Variants in NCKAP5 observed in about 807,000 individuals in gnomAD.
NCKAP5 encodes NCK associated protein 5.
A neutral mutation model predicts 167.0 loss-of-function variants in NCKAP5; 92 were observed. The ratio of observed to expected loss-of-function variants is 0.55; its 90% CI spans 0.47 to 0.66. NCKAP5 has a LOEUF of 0.66. NCKAP5 is among the 30% of genes least tolerant of loss of function. The pLI is 0.00. For missense variants in NCKAP5, 2,378 were observed against 2,315.0 expected, an observed-to-expected ratio of 1.03 and a Z score of -0.56; for synonymous variants, 891 against 877.4, an observed-to-expected ratio of 1.02 and a Z score of -0.27.
chr2:133,412,343 C>T (rs1688828863), intron 3 of NCKAP5, among the ~76,000 whole-genome samples: 1 of 152,204 alleles, frequency 6.6e-6, no homozygotes, highest in African/African-American at 2.4e-5. Context: ...GACTCCAAAA[C>T]TGTGAGAAAT....
intron 19 of NCKAP5, among the ~76,000 whole-genome samples, chr2:132,709,053 C>G (rs1182688776): frequency 6.6e-6 from 1 of 152,050 alleles, no homozygotes; most frequent in African/African-American, 2.4e-5. Flanking sequence ...TTATATTGAT[C>G]TTATATCCAG....
chr2:133,429,432 G>T (rs772770411), intron 3 of NCKAP5, among the ~76,000 whole-genome samples: 16 of 151,984 alleles, frequency 1.1e-4, no homozygotes, highest in Non-Finnish European at 2.4e-4. Context: ...CCAATAAAAA[G>T]TTTTACAGTC....
the NCKAP5 span, among the ~76,000 whole-genome samples, chr2:133,595,805 C>G: frequency 6.6e-6 from 1 of 152,132 alleles, no homozygotes; most frequent in Admixed American, 6.5e-5. Context: ...AACAAACAAG[C>G]ATGGCTATGT....
chr2:133,611,273 C>T, the NCKAP5 span, among the ~76,000 whole-genome samples: 50 of 152,174 alleles, frequency 3.3e-4, no homozygotes, highest in Admixed American at 2.0e-3. Context: ...ACCCGCCACC[C>T]GCCACCACCT....
chr2:132,732,832 G>A (rs1350384663), intron 16 of NCKAP5, among the ~76,000 whole-genome samples: 1 of 152,202 alleles, frequency 6.6e-6, no homozygotes, highest in Admixed American at 6.5e-5. Context: ...TAATTTGACT[G>A]TGGGGACAAG....
Position 133,009,366 on chromosome 2 carries a change from G to A in NCKAP5, c.342-15127C>T, listed in dbSNP as rs908255862. Among the ~76,000 whole-genome samples, 7 of 151,914 alleles carry A rather than the reference G, an allele frequency of 4.6e-5. No individual in the cohort carries two copies. In the East Asian group the frequency reaches 5.8e-4, roughly 13 times the overall value. ...CAAGTTTTTTCCTACTACCCACATC[G>A]CACAGTTGGTTAACTGTTTATCTTG... On this transcript the variant is annotated intron_variant, in intron 6 of 19. Transcript: ENST00000409261.
intron 4 of NCKAP5, among the ~76,000 whole-genome samples, chr2:133,291,495 C>T (rs1444590958): frequency 6.6e-6 from 1 of 152,188 alleles, no homozygotes; most frequent in Non-Finnish European, 1.5e-5. Flanking sequence ...CAGATCTCCC[C>T]TATTGGTAAA....
At chr2:133,266,181 G>T (rs764438295) in intron 4 of NCKAP5, 2 of 152,226 alleles carry the variant, frequency 1.3e-5, no homozygotes, top group African/African-American at 4.8e-5. Flanking sequence ...GCGCACACAC[G>T]GACCGACTCC....
chr2:132,967,196 CACACAT>C (rs1358741616), intron 7 of NCKAP5, among the ~76,000 whole-genome samples: 27 of 147,010 alleles, frequency 1.8e-4, no homozygotes, highest in East Asian at 6.0e-4. Flanking sequence ...CACACACACA[CACACAT>C]ACACACACAC....
At chr2:133,275,347 G>A (rs1305032666) in intron 4 of NCKAP5, among the ~76,000 whole-genome samples, 1 of 151,936 alleles carries the variant, frequency 6.6e-6, no homozygotes, top group Admixed American at 6.6e-5. Context: ...TTCGTACTCT[G>A]TGACATAGGA....
the NCKAP5 span, among the ~76,000 whole-genome samples, chr2:133,608,079 T>G: frequency 6.6e-6 from 1 of 152,222 alleles, no homozygotes; most frequent in African/African-American, 2.4e-5. Flanking sequence ...GAATCTGATT[T>G]TAATATTTCA....
the NCKAP5 span, among the ~76,000 whole-genome samples, chr2:133,658,513 G>A: frequency 6.6e-6 from 1 of 152,170 alleles, no homozygotes; most frequent in Admixed American, 6.5e-5. Context: ...CTGCTGTCCT[G>A]GGAGTGGGCA....
In NCKAP5 at chr2:133,469,415, C is replaced by T. The variant is rs1259181256; in HGVS notation, c.69+48043G>A. 2.6e-5 allele frequency among the ~76,000 whole-genome samples: 4 copies of T among 151,896 alleles called. No homozygotes were observed. In the East Asian group the frequency reaches 7.7e-4, roughly 29 times the overall value. On this transcript the variant is annotated intron_variant, in intron 3 of 19. Transcript: ENST00000409261. Reference sequence around the variant, plus strand: ...TTATGGGCTTCCCTTTGAGGGTAACCCGACCTTTCTCTCTGGCTGCCCTTA... The same window carrying T: ...TTATGGGCTTCCCTTTGAGGGTAACTCGACCTTTCTCTCTGGCTGCCCTTA...
chr2:133,283,546 G>A (rs886067369), intron 4 of NCKAP5, among the ~76,000 whole-genome samples: 2 of 151,740 alleles, frequency 1.3e-5, no homozygotes, highest in African/African-American at 4.8e-5. Context: ...TTAAATGTAA[G>A]CGCTACAGTT....
the NCKAP5 span, among the ~76,000 whole-genome samples, chr2:133,670,321 G>T: frequency 6.6e-6 from 1 of 152,140 alleles, no homozygotes; most frequent in Admixed American, 6.5e-5. Flanking sequence ...TCCCATCCCT[G>T]AGCACACTGA....
At chr2:133,561,176 T>C (rs750085630) in intron 1 of NCKAP5, among the ~76,000 whole-genome samples, 13 of 152,226 alleles carry the variant, frequency 8.5e-5, no homozygotes, top group Non-Finnish European at 1.8e-4. Flanking sequence ...AAACAAGAGC[T>C]TCTTTAACAG....
intron 3 of NCKAP5, among the ~76,000 whole-genome samples, chr2:133,469,595 C>T (rs909979493): frequency 1.4e-4 from 22 of 152,218 alleles, no homozygotes; most frequent in Admixed American, 1.1e-3. Context: ...GGATAATATC[C>T]TGCAGCGTGT....
chr2:132,796,791 G>T, intron 11 of NCKAP5, 62 bp from the exon 12 acceptor site: 1 of 1,147,482 alleles, frequency 8.7e-7, no homozygotes, highest in South Asian at 1.3e-5. Context: ...TCAAAATCCT[G>T]CCTTGGACAG....
chr2:132,809,095 T>C (rs1394825705), intron 11 of NCKAP5, among the ~76,000 whole-genome samples: 3 of 152,136 alleles, frequency 2.0e-5, no homozygotes, highest in Non-Finnish European at 4.4e-5. Context: ...CCTTTTGGAG[T>C]TGATTTCCAG....
Sources: gnomAD v4.1 joint callset for allele counts (sites outside exome capture counted in the v4.1 genomes callset) on GRCh38, gnomAD v4.1.1 for gene constraint, MANE v1.5 for transcripts, NCBI Gene and HGNC (gene_info 2026-07-23, HGNC 2026-07-21) for gene names.